The following MAGI2 variants were observed in gnomAD, a reference collection of about 807,000 sequenced individuals.
MAGI2 encodes membrane associated guanylate kinase, WW and PDZ domain containing 2.
In MAGI2, 35 loss-of-function variants were observed where a neutral mutation model predicts 133.3. The observed-to-expected ratio is 0.26, with a 90% CI of 0.20 to 0.35. MAGI2 has a LOEUF of 0.35. Among genes scored for constraint, MAGI2 ranks in the 10% least tolerant of loss-of-function variants. The pLI, the probability that MAGI2 is intolerant of heterozygous loss-of-function variation, is 1.00. For missense variants in MAGI2, 1,636 were observed against 1,863.4 expected, an observed-to-expected ratio of 0.88 and a Z score of 2.25; for synonymous variants, 729 against 710.6, an observed-to-expected ratio of 1.03 and a Z score of -0.41.
intron 3 of MAGI2, among the ~76,000 whole-genome samples, chr7:78,560,407 T>C (rs534405411): frequency 2.0e-5 from 3 of 152,162 alleles, no homozygotes; most frequent in African/African-American, 7.2e-5. Context: ...TGAAAGTGGA[T>C]AGAGTTTCCA....
chr7:79,286,470 A>G (rs541534721), intron 1 of MAGI2, among the ~76,000 whole-genome samples: 36 of 152,146 alleles, frequency 2.4e-4, no homozygotes, highest in African/African-American at 7.9e-4. Context: ...TCCACCAAAC[A>G]ATTCTTGCTA....
intron 1 of MAGI2, among the ~76,000 whole-genome samples, chr7:79,103,582 T>A (rs140780116): frequency 1.0e-3 from 159 of 152,294 alleles, no homozygotes; most frequent in African/African-American, 3.2e-3. Flanking sequence ...TAGTTCTTAG[T>A]GTTAGAAATT....
chr7:78,306,672 T>C (rs910252935), intron 9 of MAGI2, among the ~76,000 whole-genome samples: 3 of 152,176 alleles, frequency 2.0e-5, no homozygotes, highest in Admixed American at 1.3e-4. Flanking sequence ...TTTGCTGAAA[T>C]AGTAAATGAT....
chr7:78,730,373 G>A (rs1158427241), intron 2 of MAGI2, among the ~76,000 whole-genome samples: 1 of 148,740 alleles, frequency 6.7e-6, no homozygotes, highest in Admixed American at 6.8e-5. Context: ...ATGCTCAATG[G>A]GCCCTAAGTA....
At chr7:79,449,973 T>C (rs1020127415) in intron 1 of MAGI2, among the ~76,000 whole-genome samples, 10 of 150,406 alleles carry the variant, frequency 6.6e-5, no homozygotes, top group Non-Finnish European at 5.9e-5. Flanking sequence ...TTATGATAAC[T>C]GTAATGTAAA....
chr7:78,605,620 G>C (rs757333451), intron 3 of MAGI2, among the ~76,000 whole-genome samples: 1 of 152,102 alleles, frequency 6.6e-6, no homozygotes, highest in Non-Finnish European at 1.5e-5. Flanking sequence ...GAAGCCTATC[G>C]GGGACATAGA....
At chr7:79,092,003 A>G (rs909704705) in intron 1 of MAGI2, among the ~76,000 whole-genome samples, 7 of 152,164 alleles carry the variant, frequency 4.6e-5, no homozygotes, top group Non-Finnish European at 1.0e-4. Context: ...TTTCCTTAGT[A>G]GCCTTTGATA....
At chr7:79,257,071 AT>A (rs1178486146) in intron 1 of MAGI2, among the ~76,000 whole-genome samples, 1 of 152,122 alleles carries the variant, frequency 6.6e-6, no homozygotes, top group Non-Finnish European at 1.5e-5. Flanking sequence ...TTATGATGTA[AT>A]ATGTATGTTA....
At chr7:78,339,177 C>G (rs371138456) in intron 9 of MAGI2, among the ~76,000 whole-genome samples, 3 of 152,320 alleles carry the variant, frequency 2.0e-5, no homozygotes, top group Admixed American at 6.5e-5. Flanking sequence ...CTTTATAGCC[C>G]TGGTGCACTG....
intron 1 of MAGI2, among the ~76,000 whole-genome samples, chr7:79,427,081 T>G (rs1847428424): frequency 6.6e-6 from 1 of 152,214 alleles, no homozygotes; most frequent in Non-Finnish European, 1.5e-5. Flanking sequence ...GTACGTAATC[T>G]AGACTTTAAC....
At chr7:78,082,100 C>G (rs1342553365) in intron 20 of MAGI2, among the ~76,000 whole-genome samples, 2 of 152,166 alleles carry the variant, frequency 1.3e-5, no homozygotes, top group Non-Finnish European at 2.9e-5. Context: ...TGTCCTGAGA[C>G]TGACATTTTA....
In MAGI2 at chr7:78,275,176, C is replaced by G. The variant is rs555264123; in HGVS notation, c.1409-18595G>C. On this transcript the variant is annotated intron_variant, in intron 9 of 21. Coordinates refer to ENST00000354212, the MANE Select transcript of MAGI2 (RefSeq NM_012301.4). The stretch of plus-strand genomic sequence containing the variant: ...CATTGTTCCTCCTGGTACAGTCTCT[C>G]ATGGCTTCCCTTGGGAAGGGGAGAG... Among the ~76,000 whole-genome samples, 8 of 152,298 alleles carry G rather than the reference C, an allele frequency of 5.3e-5. 1 individual carries two copies. The highest frequency in any genetic ancestry group is 6.8e-3 in the Middle Eastern group (2 of 294).
At chr7:79,186,230 A>ATT (rs1827115068) in intron 1 of MAGI2, among the ~76,000 whole-genome samples, 1 of 67,946 alleles carries the variant, frequency 1.5e-5, no homozygotes, top group Admixed American at 1.6e-4. Flanking sequence ...ATATATATAT[A>ATT]TATATATATA....
chr7:78,904,210 AGGATGCTAGAAGAC>A (rs909291319), intron 2 of MAGI2: 1 of 152,230 alleles, frequency 6.6e-6, no homozygotes, highest in African/African-American at 2.4e-5. Context: ...AGAGGAGCGA[AGGATGCTAGAAGAC>A]GTGTATGAAA....
intron 1 of MAGI2, among the ~76,000 whole-genome samples, chr7:79,186,791 G>A (rs369615775): frequency 2.5e-4 from 31 of 124,166 alleles, no homozygotes; most frequent in South Asian, 4.7e-4. Flanking sequence ...ACACACAAAA[G>A]TATATATATA....
chr7:78,928,464 T>C (rs1183063104), intron 2 of MAGI2, among the ~76,000 whole-genome samples: 1 of 152,010 alleles, frequency 6.6e-6, no homozygotes, highest in Non-Finnish European at 1.5e-5. Context: ...CTCATTCCTT[T>C]TAAATAGAAC....
chr7:78,436,052 T>C (rs1274388269), intron 6 of MAGI2, among the ~76,000 whole-genome samples: 1 of 151,934 alleles, frequency 6.6e-6, no homozygotes, highest in African/African-American at 2.4e-5. Context: ...CCGGGGTGAG[T>C]GCATCAGTTT....
chr7:78,331,801 T>C (rs1417951999), intron 9 of MAGI2, among the ~76,000 whole-genome samples: 1 of 152,158 alleles, frequency 6.6e-6, no homozygotes, highest in African/African-American at 2.4e-5. Context: ...TCAGGCCGAG[T>C]AGAGGCCCCA....
At position 79,230,692 on chromosome 7, in the gene MAGI2, G is replaced by A. The variant is rs1277098900; in HGVS notation, c.301+222328C>T. On this transcript the variant is annotated intron_variant, in intron 1 of 21. Coordinates refer to ENST00000354212, the MANE Select transcript of MAGI2 (RefSeq NM_012301.4). ...AGTTCATTGTAGATTCTGGATATTAGCCCTTTGTCAGATGAGTAGGTTGTG... is the reference window on the plus strand; with the variant it reads ...AGTTCATTGTAGATTCTGGATATTAACCCTTTGTCAGATGAGTAGGTTGTG... Among the ~76,000 whole-genome samples the A allele has an allele frequency of 2.0e-5, 3 of 151,714 alleles. No homozygotes were observed. In the East Asian group the frequency reaches 5.8e-4, roughly 29 times the overall value.
Sources: allele counts gnomAD v4.1 joint callset (sites outside exome capture counted in the v4.1 genomes callset), GRCh38; gene constraint gnomAD v4.1.1; transcripts MANE v1.5; gene names NCBI Gene and HGNC (gene_info 2026-07-23, HGNC 2026-07-21).